The following BCOR variants were observed in gnomAD, a reference collection of about 807,000 sequenced individuals.
BCOR encodes the protein BCL-6 corepressor.
A neutral mutation model predicts 86.7 loss-of-function variants in BCOR; 10 were observed. That is an observed-to-expected ratio of 0.12 (90% CI 0.07 to 0.20). BCOR has a LOEUF of 0.20. Among genes scored for constraint, BCOR ranks in the 10% least tolerant of loss-of-function variants. The pLI is 1.00. For missense variants in BCOR, 1,259 were observed against 1,452.1 expected, an observed-to-expected ratio of 0.87 and a Z score of 2.16; for synonymous variants, 611 against 609.0, an observed-to-expected ratio of 1.00 and a Z score of -0.05.
Position 40,052,028 on chromosome X carries a change from C to T in BCOR, c.*81G>A. ...ATTTTCATATGTAATAGTGTCCTTTCTTTACAGAAATAGTTGTATTATGAC... is the reference window on the plus strand; with the variant it reads ...ATTTTCATATGTAATAGTGTCCTTTTTTTACAGAAATAGTTGTATTATGAC... On this transcript the variant is annotated 3_prime_UTR_variant, in exon 15 of 15. Coordinates refer to ENST00000378444, the MANE Select transcript of BCOR (RefSeq NM_001123385.2). 2 of 919,735 alleles carry T rather than the reference C, an allele frequency of 2.2e-6. No homozygotes were observed. The highest frequency in any genetic ancestry group is 2.9e-6 in the Non-Finnish European group (2 of 686,773). 75.8% of individuals were successfully genotyped at this position (919,735 alleles called of 1,213,427 possible).
chrX:40,161,959 T>C (rs778645625), intron 1 of BCOR, among the ~76,000 whole-genome samples: 1 of 111,911 alleles, frequency 8.9e-6, no homozygotes, highest in African/African-American at 3.2e-5. Context: ...ACAAGACACA[T>C]AAGTAGGGTG....
chrX:40,159,929 A>AAC (rs1345350216), intron 1 of BCOR, among the ~76,000 whole-genome samples: 2 of 112,139 alleles, frequency 1.8e-5, no homozygotes, highest in Admixed American at 1.9e-4. Context: ...ACAAGAAAGG[A>AAC]ACTGCAATCA....
At chrX:40,092,631 C>T (rs1367239058) in intron 1 of BCOR, among the ~76,000 whole-genome samples, 1 of 111,365 alleles carries the variant, frequency 9.0e-6, no homozygotes, top group Non-Finnish European at 1.9e-5. Flanking sequence ...GAAAGCTACC[C>T]CTCTTGTGGC....
At chrX:40,067,594 T>G (rs1356789015) in intron 6 of BCOR, among the ~76,000 whole-genome samples, 2 of 111,303 alleles carry the variant, frequency 1.8e-5, no homozygotes, top group African/African-American at 6.5e-5. Context: ...TGTAGATGCT[T>G]CTTGTCCGCT....
At chrX:40,056,178 T>A (rs1934584317) in intron 11 of BCOR, among the ~76,000 whole-genome samples, 1 of 108,028 alleles carries the variant, frequency 9.3e-6, no homozygotes, top group Non-Finnish European at 1.9e-5. Context: ...TGAAAACATT[T>A]TCAACAAATT....
intron 1 of BCOR, among the ~76,000 whole-genome samples, chrX:40,122,912 C>T (rs921724804): frequency 9.0e-6 from 1 of 111,633 alleles, no homozygotes; most frequent in Non-Finnish European, 1.9e-5. Context: ...ACTGTCGCTA[C>T]CCACCACTGC....
At chrX:40,126,233 G>T (rs868385752) in intron 1 of BCOR, among the ~76,000 whole-genome samples, 2 of 85,527 alleles carry the variant, frequency 2.3e-5, no homozygotes, top group South Asian at 1.1e-3. Flanking sequence ...AAAAAAAAAA[G>T]AATCATCTGG....
intron 1 of BCOR, among the ~76,000 whole-genome samples, chrX:40,135,682 G>A (rs1937666040): frequency 8.9e-6 from 1 of 111,742 alleles, no homozygotes; most frequent in Non-Finnish European, 1.9e-5. Context: ...GAGCCACCGC[G>A]CCCGGCCCTT....
chrX:40,085,683 C>T (rs5963736), intron 1 of BCOR, among the ~76,000 whole-genome samples: 1 of 111,131 alleles, frequency 9.0e-6, no homozygotes, highest in African/African-American at 3.3e-5. Context: ...AATGATCTTC[C>T]AAAACCCAAG....
At chrX:40,172,593 T>C (rs1233414920) in intron 1 of BCOR, among the ~76,000 whole-genome samples, 1 of 112,404 alleles carries the variant, frequency 8.9e-6, no homozygotes, top group Non-Finnish European at 1.9e-5. Context: ...CGGACGGGTG[T>C]TGAGGGGAGA....
rs1186385659 is a variant in BCOR at position 40,097,495 on chromosome X, C to G, written c.-321G>C. On this transcript the variant is annotated 5_prime_UTR_variant, in exon 1 of 15. Transcript: ENST00000378444. The stretch of plus-strand genomic sequence containing the variant: ...CCGTCTGCTGGCAGCCGGCTGCCCT[C>G]GGGGTCGGCCCCGCCGAGGGGTGGG... The G allele has an allele frequency of 1.4e-5, 1 of 70,245 alleles. No homozygotes were observed. Among genetic ancestry groups the G allele is most frequent in the African/African-American group, 5.5e-5 (1 of 18,167 alleles). 5.8% of individuals were successfully genotyped at this position (70,245 alleles called of 1,213,427 possible). A position where few individuals can be genotyped will look rare whatever the true frequency, so the allele number is the denominator to read the frequency against.
At chrX:40,114,864 T>TC (rs1193994476) in intron 1 of BCOR, among the ~76,000 whole-genome samples, 1 of 100,108 alleles carries the variant, frequency 1.0e-5, no homozygotes, top group African/African-American at 3.7e-5. Context: ...TTTTTTTTTT[T>TC]TTTTTTGAGT....
At chrX:40,065,127 G>C (rs952467381) in intron 6 of BCOR, among the ~76,000 whole-genome samples, 3 of 111,728 alleles carry the variant, frequency 2.7e-5, no homozygotes, top group Non-Finnish European at 5.7e-5. Context: ...CTGGAGACAA[G>C]AGTGTTGAAA....
At chrX:40,111,107 C>A (rs1045646439) in intron 1 of BCOR, among the ~76,000 whole-genome samples, 128 of 111,592 alleles carry the variant, frequency 1.1e-3, no homozygotes, top group African/African-American at 4.0e-3. Context: ...CAGTGTCTGT[C>A]CATCCATCCT....
intron 1 of BCOR, among the ~76,000 whole-genome samples, chrX:40,139,955 A>G (rs1456935170): frequency 9.1e-6 from 1 of 110,087 alleles, no homozygotes; most frequent in East Asian, 2.9e-4. Flanking sequence ...TAGCCTTAGA[A>G]TTTTCTGCCA....
At chrX:40,107,558 T>C (rs1937214531) in intron 1 of BCOR, among the ~76,000 whole-genome samples, 2 of 113,550 alleles carry the variant, frequency 1.8e-5, no homozygotes, top group African/African-American at 6.4e-5. Context: ...CAGTCGCACA[T>C]GGCCTTGGTG....
intron 10 of BCOR, among the ~76,000 whole-genome samples, chrX:40,061,710 CT>C (rs1421266002): frequency 7.5e-5 from 7 of 93,575 alleles, no homozygotes; most frequent in Non-Finnish European, 1.3e-4. Flanking sequence ...TTCCTGCCTA[CT>C]CCCCCTACAC....
intron 6 of BCOR, among the ~76,000 whole-genome samples, chrX:40,066,593 G>A (rs1052181316): frequency 1.8e-5 from 2 of 111,699 alleles, no homozygotes; most frequent in Non-Finnish European, 3.8e-5. Context: ...AGTTTAAGAT[G>A]TGAACTGATT....
chrX:40,070,536 C>T (rs893015873), intron 6 of BCOR, among the ~76,000 whole-genome samples: 15 of 111,764 alleles, frequency 1.3e-4, no homozygotes, highest in East Asian at 8.5e-4. Flanking sequence ...CCACCCCCCA[C>T]GGTAAATCGT....
Sources: gnomAD v4.1 joint callset for allele counts (sites outside exome capture counted in the v4.1 genomes callset) on GRCh38, gnomAD v4.1.1 for gene constraint, MANE v1.5 for transcripts, NCBI Gene and HGNC (gene_info 2026-07-23, HGNC 2026-07-21) for gene names.